TNIK: variants seen among roughly 807,000 people sequenced by gnomAD.
TNIK encodes the protein TRAF2 and NCK interacting kinase.
In TNIK, 49 loss-of-function variants were observed where a neutral mutation model predicts 191.3. The observed-to-expected ratio is 0.26, with a 90% CI of 0.20 to 0.32. TNIK has a LOEUF of 0.32. TNIK is among the 10% of genes least tolerant of loss of function. The probability of loss-of-function intolerance (pLI) is 1.00; values close to 1 mark genes in which losing one functional copy is unlikely to be tolerated. For synonymous variants in TNIK, 594 were observed against 600.9 expected, an observed-to-expected ratio of 0.99 and a Z score of 0.17; for missense variants, 1,155 against 1,702.3, an observed-to-expected ratio of 0.68 and a Z score of 5.66.
chr3:171,224,144 C>T (rs1374196797), intron 3 of TNIK, among the ~76,000 whole-genome samples: 6 of 152,086 alleles, frequency 3.9e-5, no homozygotes, highest in South Asian at 2.1e-4. Context: ...GCTGCTGGGA[C>T]GAAAGCAGAG....
intron 2 of TNIK, among the ~76,000 whole-genome samples, chr3:171,239,869 A>G (rs1471469730): frequency 6.6e-6 from 1 of 150,964 alleles, no homozygotes; most frequent in Non-Finnish European, 1.5e-5. Context: ...AGAAACCTGT[A>G]CTCTCCCATC....
chr3:171,367,762 A>G (rs1261548397), intron 2 of TNIK, among the ~76,000 whole-genome samples: 1 of 152,064 alleles, frequency 6.6e-6, no homozygotes, highest in Non-Finnish European at 1.5e-5. Flanking sequence ...GAGCCACCGC[A>G]CCTGGCCAGG....
intron 2 of TNIK, among the ~76,000 whole-genome samples, chr3:171,284,219 A>G (rs958217923): frequency 2.0e-5 from 3 of 152,228 alleles, no homozygotes; most frequent in African/African-American, 7.2e-5. Flanking sequence ...ATTCTAGAGC[A>G]ACACAATTTC....
chr3:171,331,412 G>T (rs1756410977), intron 2 of TNIK, among the ~76,000 whole-genome samples: 1 of 152,124 alleles, frequency 6.6e-6, no homozygotes, highest in Admixed American at 6.6e-5. Context: ...TTCCAGTTTT[G>T]GCGAGTTGAT....
In TNIK at chr3:171,101,742, A is replaced by G. The variant is rs1723604338; in HGVS notation, c.2407-109T>C. The G allele has an allele frequency of 7.3e-6, 8 of 1,094,008 alleles. No homozygotes were observed. The East Asian group carries it at 2.1e-4, about 28-fold the overall frequency. The allele number at this position is 1,094,008 out of a possible 1,614,324, so 67.8% of individuals were successfully genotyped here. A position where few individuals can be genotyped will look rare whatever the true frequency, so the allele number is the denominator to read the frequency against. ...GCAACAAGAAAAAAAAAAGCTCTAT[A>G]TAGAACTGTGACAAACATAGTTACT... On this transcript the variant is annotated intron_variant, in intron 21 of 32. Transcript: ENST00000436636.
At position 171,063,832 on chromosome 3, in the gene TNIK, T is replaced by C. The variant is rs749947110; in HGVS notation, c.*49A>G. The stretch of plus-strand genomic sequence containing the variant: ...GCATAAGTCCACATGAGTTATGTTC[T>C]TTTAAATTAGAAATAACGCCATGAA... On this transcript the variant is annotated 3_prime_UTR_variant, in exon 33 of 33. Coordinates refer to ENST00000436636, the MANE Select transcript of TNIK (RefSeq NM_015028.4). 6 of 1,588,350 alleles carry C rather than the reference T, an allele frequency of 3.8e-6. No homozygotes were observed. Among genetic ancestry groups the C allele is most frequent in the Non-Finnish European group, 5.2e-6 (6 of 1,161,546 alleles).
intron 2 of TNIK, among the ~76,000 whole-genome samples, chr3:171,266,967 C>T (rs1286420665): frequency 6.6e-6 from 1 of 152,170 alleles, no homozygotes; most frequent in Non-Finnish European, 1.5e-5. Flanking sequence ...TGTAAAATGC[C>T]TCTCTTATAA....
rs371214078 is a variant in TNIK at position 171,263,807 on chromosome 3, G to T, written c.124-35586C>A. Among the ~76,000 whole-genome samples the T allele has an allele frequency of 7.2e-5, 11 of 151,934 alleles. No individual in the cohort carries two copies. The East Asian group carries it at 2.2e-3, about 30-fold the overall frequency. On this transcript the variant is annotated intron_variant, in intron 2 of 32. Transcript: ENST00000436636. The stretch of plus-strand genomic sequence containing the variant: ...AGGATGGAGCAAGTGGTGTAGGAAA[G>T]GCTTCCTATGGAAGCAACCCTTAAA...
chr3:171,347,150 T>C (rs998014578), intron 2 of TNIK: 2 of 1,521,348 alleles, frequency 1.3e-6, no homozygotes, highest in Admixed American at 2.1e-5. Context: ...ATTCAGGAGA[T>C]GATGTCATGG....
chr3:171,358,352 T>C (rs745953361), intron 2 of TNIK, among the ~76,000 whole-genome samples: 8 of 152,244 alleles, frequency 5.3e-5, no homozygotes, highest in Non-Finnish European at 1.2e-4. Context: ...CGGAAGTGAA[T>C]GAGGAGCGAA....
intron 10 of TNIK, among the ~76,000 whole-genome samples, chr3:171,166,329 G>C (rs780101983): frequency 6.6e-6 from 1 of 152,128 alleles, no homozygotes; most frequent in Non-Finnish European, 1.5e-5. Context: ...CTTGCATTTT[G>C]TCTCATTTGG....
chr3:171,246,063 C>A (rs1401959230), intron 2 of TNIK, among the ~76,000 whole-genome samples: 1 of 152,008 alleles, frequency 6.6e-6, no homozygotes, highest in Non-Finnish European at 1.5e-5. Flanking sequence ...GGGAAAGGAG[C>A]TATGTGTGAG....
intron 1 of TNIK, among the ~76,000 whole-genome samples, chr3:171,419,439 C>T (rs1723485089): frequency 6.6e-6 from 1 of 152,172 alleles, no homozygotes; most frequent in South Asian, 2.1e-4. Context: ...GGTTGCACAG[C>T]TCTGTGAATA....
chr3:171,167,128 T>C lies in TNIK; in HGVS notation c.916A>G (p.Ile306Val). 1 of 1,613,718 alleles carries C rather than the reference T, an allele frequency of 6.2e-7. No individual in the cohort carries two copies. Among genetic ancestry groups the C allele is most frequent in the South Asian group, 1.1e-5 (1 of 90,954 alleles). Reference sequence around the variant, plus strand: ...CCTCGCTTCTTCTTTGTTCTATCAATATGGTCCTTGAGTTGAATGCGGACC... The same window carrying C: ...CCTCGCTTCTTCTTTGTTCTATCAACATGGTCCTTGAGTTGAATGCGGACC... The part of the protein sequence containing the change: ...RQVRIQLKDH[I>V]DRTKKKRGEK... Residue 306 changes from isoleucine to valine, a missense_variant, in exon 10 of 33, where the codon ATT becomes GTT. Around this residue, in one of 3 missense-constraint regions of TNIK, gnomAD observed 225 missense variants for 438.9 expected, o/e 0.51. Transcript: ENST00000436636.
At chr3:171,164,213 G>T (rs1734339806) in intron 10 of TNIK, among the ~76,000 whole-genome samples, 1 of 152,202 alleles carries the variant, frequency 6.6e-6, no homozygotes, top group Admixed American at 6.5e-5. Context: ...CATTAAAAAT[G>T]ATCTATCTTC....
intron 7 of TNIK, among the ~76,000 whole-genome samples, chr3:171,179,985 C>T (rs998192119): frequency 2.6e-5 from 4 of 152,060 alleles, no homozygotes; most frequent in South Asian, 2.1e-4. Flanking sequence ...GTTTCTATAG[C>T]GTGAAATAAG....
rs1186615185 is a variant in TNIK at position 171,079,373 on chromosome 3, A to G, written c.3448+145T>C. The G allele has an allele frequency of 4.2e-6, 4 of 962,670 alleles. No homozygotes were observed. In the African/African-American group the frequency reaches 5.0e-5, roughly 12 times the overall value. The allele number at this position is 962,670 out of a possible 1,614,324, so 59.6% of individuals were successfully genotyped here. ...TTCATCAATCTGGCTTTTAAAAAAT[A>G]TAAATAATGCTGAAGGTTCCAGCAA... On this transcript the variant is annotated intron_variant, in intron 28 of 32. Coordinates refer to ENST00000436636, the MANE Select transcript of TNIK (RefSeq NM_015028.4).
At position 171,153,689 on chromosome 3, in the gene TNIK, G is replaced by T. The variant is rs112997018; in HGVS notation, c.1221+3771C>A. 1.7e-3 allele frequency among the ~76,000 whole-genome samples: 252 copies of T among 152,276 alleles called. 2 individuals are homozygous for T. Among genetic ancestry groups the T allele is most frequent in the African/African-American group, 3.7e-3 (153 of 41,552 alleles). The stretch of plus-strand genomic sequence containing the variant: ...GTTCCCTTAGTGAAGACACATCAAT[G>T]GTTTCCCACTCTTCTTAGAATAAAA... On this transcript the variant is annotated intron_variant, in intron 12 of 32. Coordinates refer to ENST00000436636, the MANE Select transcript of TNIK (RefSeq NM_015028.4).
At chr3:171,432,107 A>G (rs1032728096) in intron 1 of TNIK, among the ~76,000 whole-genome samples, 4 of 152,244 alleles carry the variant, frequency 2.6e-5, no homozygotes, top group Non-Finnish European at 4.4e-5. Flanking sequence ...GGCAATAGCC[A>G]AAAGAGAAGA....
Sources: allele counts gnomAD v4.1 joint callset (sites outside exome capture counted in the v4.1 genomes callset), GRCh38; gene constraint gnomAD v4.1.1; regional missense constraint gnomAD v4.1.1; transcripts MANE v1.5; gene names NCBI Gene and HGNC (gene_info 2026-07-23, HGNC 2026-07-21).